TACR3: variants seen among roughly 807,000 people sequenced by gnomAD.
The protein encoded by TACR3 is neuromedin-K receptor.
TACR3 carries 34 observed loss-of-function variants against 35.0 expected under a neutral mutation model. That is an observed-to-expected ratio of 0.97 (90% CI 0.74 to 1.30). TACR3 has a LOEUF of 1.30. TACR3 is among the 50% of genes most tolerant of loss of function. The pLI, the probability that TACR3 is intolerant of heterozygous loss-of-function variation, is 0.00. For missense variants in TACR3, 558 were observed against 591.7 expected (o/e 0.94, Z 0.59); for synonymous variants, 233 against 221.1 (o/e 1.05, Z -0.48).
intron 1 of TACR3, among the ~76,000 whole-genome samples, chr4:103,693,925 T>C (rs1361013456): frequency 8.5e-5 from 13 of 152,186 alleles, no homozygotes; most frequent in Non-Finnish European, 1.5e-5. Flanking sequence ...AGTAGGATTC[T>C]AACTTTATTT....
At chr4:103,602,800 C>A (rs940852160) in intron 3 of TACR3, among the ~76,000 whole-genome samples, 2 of 152,212 alleles carry the variant, frequency 1.3e-5, no homozygotes, top group Non-Finnish European at 2.9e-5. Context: ...TCCAGCCCTA[C>A]TGGAGGGTGC....
At chr4:103,714,062 C>CA (rs1361773028) in intron 1 of TACR3, among the ~76,000 whole-genome samples, 2 of 152,036 alleles carry the variant, frequency 1.3e-5, no homozygotes, top group African/African-American at 4.8e-5. Flanking sequence ...GGGATATAAG[C>CA]AAATGATACT....
chr4:103,694,249 AG>A (rs1722474591), intron 1 of TACR3, among the ~76,000 whole-genome samples: 1 of 148,062 alleles, frequency 6.8e-6, no homozygotes, highest in South Asian at 2.1e-4. Flanking sequence ...ATGCTTGTGA[AG>A]CTTACACCAT....
intron 3 of TACR3, among the ~76,000 whole-genome samples, chr4:103,606,915 T>A (rs1045840037): frequency 6.6e-6 from 1 of 152,156 alleles, no homozygotes; most frequent in African/African-American, 2.4e-5. Flanking sequence ...TCAAAGGGAA[T>A]GCTTCCAGTT....
At chr4:103,632,037 ATGT>A (rs751801244) in intron 3 of TACR3, among the ~76,000 whole-genome samples, 1 of 152,156 alleles carries the variant, frequency 6.6e-6, no homozygotes, top group African/African-American at 2.4e-5. Context: ...TTATTACATA[ATGT>A]TATTATTTAC....
intron 1 of TACR3, among the ~76,000 whole-genome samples, chr4:103,693,303 A>C (rs1002148405): frequency 2.6e-5 from 4 of 152,194 alleles, no homozygotes; most frequent in African/African-American, 9.6e-5. Flanking sequence ...AAAAATTTGC[A>C]AACAATAAAA....
chr4:103,630,846 T>C (rs2110311502), intron 3 of TACR3, among the ~76,000 whole-genome samples: 1 of 152,228 alleles, frequency 6.6e-6, no homozygotes, highest in African/African-American at 2.4e-5. Flanking sequence ...ACCCAAAGGA[T>C]TATAAATCAT....
chr4:103,609,955 T>C (rs1724475912), intron 3 of TACR3, among the ~76,000 whole-genome samples: 1 of 152,096 alleles, frequency 6.6e-6, no homozygotes, highest in Non-Finnish European at 1.5e-5. Flanking sequence ...TAAAAAATAA[T>C]TTTTTATGAC....
At chr4:103,687,935 G>A (rs113059095) in intron 1 of TACR3, among the ~76,000 whole-genome samples, 23,438 of 151,930 alleles carry the variant, frequency 0.15, 2,324 homozygotes, top group East Asian at 0.43. Context: ...AGCCCGCATC[G>A]CCAAGTCAGT....
At chr4:103,637,915 A>T (rs919065880) in intron 3 of TACR3, among the ~76,000 whole-genome samples, 3 of 152,064 alleles carry the variant, frequency 2.0e-5, no homozygotes, top group Admixed American at 1.3e-4. Context: ...AGAACTACAA[A>T]CCACTGCTCA....
intron 3 of TACR3, among the ~76,000 whole-genome samples, chr4:103,606,524 T>C (rs1724370446): frequency 6.6e-6 from 1 of 152,092 alleles, no homozygotes; most frequent in African/African-American, 2.4e-5. Context: ...GTAGTTCTCC[T>C]TGAAGAGCTC....
intron 3 of TACR3, among the ~76,000 whole-genome samples, chr4:103,640,441 T>C (rs550857638): frequency 6.6e-6 from 1 of 152,032 alleles, no homozygotes; most frequent in South Asian, 2.1e-4. Context: ...TTTTTTCACA[T>C]ATTTGTTGGC....
chr4:103,688,018 C>T (rs1160447321), intron 1 of TACR3, among the ~76,000 whole-genome samples: 1 of 152,104 alleles, frequency 6.6e-6, no homozygotes, highest in East Asian at 1.9e-4. Context: ...CTACAGTAAC[C>T]AAAACAGCAC....
At chr4:103,631,732 G>A (rs1170006425) in intron 3 of TACR3, among the ~76,000 whole-genome samples, 3 of 152,254 alleles carry the variant, frequency 2.0e-5, no homozygotes, top group South Asian at 2.1e-4. Context: ...TCACATGACT[G>A]TAGATTCTCT....
At chr4:103,610,743 G>A (rs1724494204) in intron 3 of TACR3, among the ~76,000 whole-genome samples, 1 of 152,046 alleles carries the variant, frequency 6.6e-6, no homozygotes, top group Non-Finnish European at 1.5e-5. Context: ...AATTTGTCTA[G>A]TAGTTTCATA....
chr4:103,713,238 A>G (rs1385274894), intron 1 of TACR3, among the ~76,000 whole-genome samples: 1 of 152,116 alleles, frequency 6.6e-6, no homozygotes, highest in Non-Finnish European at 1.5e-5. Flanking sequence ...ATGTCCATCA[A>G]TGATAGACTG....
At chr4:103,661,934 C>A (rs1358489618) in intron 1 of TACR3, among the ~76,000 whole-genome samples, 1 of 152,264 alleles carries the variant, frequency 6.6e-6, no homozygotes, top group South Asian at 2.1e-4. Context: ...TAGAAAAATA[C>A]TTCCCAAATT....
At chr4:103,596,366 A>G (rs11935445) in intron 3 of TACR3, among the ~76,000 whole-genome samples, 2,443 of 151,956 alleles carry the variant, frequency 0.016, 54 homozygotes, top group African/African-American at 0.056. Context: ...CAGTCCCACC[A>G]ACAGTGTAAA....
At chr4:103,709,348 T>A (rs1722882990) in intron 1 of TACR3, among the ~76,000 whole-genome samples, 1 of 152,140 alleles carries the variant, frequency 6.6e-6, no homozygotes, top group Non-Finnish European at 1.5e-5. Flanking sequence ...TGGGGGCCAA[T>A]ATTCAACATT....
Sources: allele counts gnomAD v4.1 joint callset (sites outside exome capture counted in the v4.1 genomes callset), GRCh38; gene constraint gnomAD v4.1.1; transcripts MANE v1.5; gene names NCBI Gene and HGNC (gene_info 2026-07-23, HGNC 2026-07-21).